The following ESRRB variants were observed in gnomAD, a reference collection of about 807,000 sequenced individuals.
The protein encoded by ESRRB is steroid hormone receptor ERR2.
A neutral mutation model predicts 46.0 loss-of-function variants in ESRRB; 16 were observed. The observed-to-expected ratio is 0.35, with a 90% CI of 0.24 to 0.53. The LOEUF (loss-of-function observed/expected upper bound fraction) is 0.53. Ranked by LOEUF, ESRRB falls within the 20% of genes least tolerant of loss-of-function variation. The pLI, the probability that ESRRB is intolerant of heterozygous loss-of-function variation, is 0.93. For missense variants in ESRRB, 488 were observed against 607.4 expected (o/e 0.80, Z 2.07); for synonymous variants, 246 against 259.6 (o/e 0.95, Z 0.50).
At chr14:76,451,428 G>A (rs1466400861) in intron 2 of ESRRB, among the ~76,000 whole-genome samples, 3 of 152,276 alleles carry the variant, frequency 2.0e-5, no homozygotes, top group Admixed American at 1.3e-4. Flanking sequence ...GTGTAACTAA[G>A]TGCCTGGCAC....
At chr14:76,481,360 C>T (rs904061079) in intron 3 of ESRRB, among the ~76,000 whole-genome samples, 1 of 152,210 alleles carries the variant, frequency 6.6e-6, no homozygotes, top group Non-Finnish European at 1.5e-5. Flanking sequence ...TAAACTCTCA[C>T]TCCTGGAAGT....
rs142660217 is a variant in ESRRB, at chr14:76,336,649, G to A, written c.2+25733G>A. On this transcript the variant is annotated intron_variant, in intron 1 of 6. Coordinates refer to the ESRRB transcript ENST00000512784. ...CTGCACTTCTCCCCAGGATCCCCAGGGCAAAAGCAGGAGTGAGAGGAAGCC... is the reference window on the plus strand; with the variant it reads ...CTGCACTTCTCCCCAGGATCCCCAGAGCAAAAGCAGGAGTGAGAGGAAGCC... 2.0e-3 allele frequency among the ~76,000 whole-genome samples: 300 copies of A among 152,256 alleles called. 1 individual carries two copies. Among genetic ancestry groups the A allele is most frequent in the African/African-American group, 7.1e-3 (294 of 41,540 alleles).
chr14:76,483,145 T>C (rs75562478), intron 5 of ESRRB, among the ~76,000 whole-genome samples: 1 of 152,278 alleles, frequency 6.6e-6, no homozygotes, highest in African/African-American at 2.4e-5. Flanking sequence ...GACCCTCTCT[T>C]CCTATTGGAG....
chr14:76,379,097 T>C (rs1051452121), intron 1 of ESRRB, among the ~76,000 whole-genome samples: 1 of 152,222 alleles, frequency 6.6e-6, no homozygotes, highest in Admixed American at 6.5e-5. Flanking sequence ...CATTCTCACT[T>C]TCCCAGGTGA....
intron 1 of ESRRB, among the ~76,000 whole-genome samples, chr14:76,315,921 T>A (rs1324154392): frequency 6.6e-6 from 1 of 152,164 alleles, no homozygotes; most frequent in Non-Finnish European, 1.5e-5. Context: ...CTCTTTTCCC[T>A]CTGTAGAAAG....
chr14:76,363,717 A>G (rs138199285), intron 1 of ESRRB, among the ~76,000 whole-genome samples: 166 of 152,244 alleles, frequency 1.1e-3, no homozygotes, highest in African/African-American at 3.8e-3. Flanking sequence ...AATTGGTTGG[A>G]CCTACGCACA....
At position 76,499,690 on chromosome 14, in the gene ESRRB, C is replaced by T; in HGVS notation, c.*1232C>T. The T allele has an allele frequency of 1.4e-6, 1 of 691,480 alleles. No homozygotes were observed. The highest frequency in any genetic ancestry group is 2.6e-6 in the Non-Finnish European group (1 of 382,664). 42.8% of individuals were successfully genotyped at this position (691,480 alleles called of 1,614,324 possible). Reference sequence around the variant, plus strand: ...CTCTCTGGCAGGACCCCTGCAGTCCCCCTGGCTGTGCCAGGTAACCAACCG... The same window carrying T: ...CTCTCTGGCAGGACCCCTGCAGTCCTCCTGGCTGTGCCAGGTAACCAACCG... On this transcript the variant is annotated 3_prime_UTR_variant, in exon 7 of 7. Transcript: ENST00000644823.
chr14:76,427,574 T>C (rs1483948159), intron 1 of ESRRB, among the ~76,000 whole-genome samples: 2 of 152,174 alleles, frequency 1.3e-5, no homozygotes, highest in Non-Finnish European at 2.9e-5. Flanking sequence ...CATGGATGGA[T>C]GAATGACAGA....
intron 3 of ESRRB, among the ~76,000 whole-genome samples, chr14:76,479,536 G>A (rs1311894761): frequency 6.6e-6 from 1 of 152,190 alleles, no homozygotes; most frequent in Non-Finnish European, 1.5e-5. Flanking sequence ...TTTATTGGAA[G>A]CCTATCAGGA....
At chr14:76,372,629 C>A (rs1042838493), upstream of ESRRB, among the ~76,000 whole-genome samples, 3 of 152,058 alleles carry the variant, frequency 2.0e-5, no homozygotes, top group African/African-American at 7.2e-5. Flanking sequence ...GCAAGGAGTT[C>A]TAGACCAGCC....
At chr14:76,373,587 AG>A (rs551592925), upstream of ESRRB, among the ~76,000 whole-genome samples, 3 of 152,306 alleles carry the variant, frequency 2.0e-5, no homozygotes, top group South Asian at 6.2e-4. Flanking sequence ...GAATCACAGG[AG>A]GAGCCTGGGC....
rs780688931 is a variant in ESRRB, at chr14:76,491,478, G to A, written c.882G>A (p.Met294Ile). The A allele has an allele frequency of 1.2e-6, 2 of 1,607,398 alleles. No individual in the cohort carries two copies. The highest frequency in any genetic ancestry group is 1.7e-6 in the Non-Finnish European group (2 of 1,177,454). Residue 294 changes from methionine (M) to isoleucine (I), a missense_variant, in exon 6 of 7, where the codon ATG becomes ATA. Met to Ile is a conservative substitution (Grantham distance 10). Coordinates refer to ENST00000644823, the MANE Select transcript of ESRRB (RefSeq NM_001379180.1). ...CAAGCCTCTCCCTGGGGGACCAGAT[G>A]AGCCTGCTGCAGAGTGCCTGGATGG... is the stretch of plus-strand genomic sequence containing the variant. ...GFSSLSLGDQ[M>I]SLLQSAWMEI...
intron 2 of ESRRB, among the ~76,000 whole-genome samples, chr14:76,442,674 A>G (rs1263715480): frequency 1.3e-5 from 2 of 152,152 alleles, no homozygotes; most frequent in Non-Finnish European, 2.9e-5. Context: ...ATTATTATGA[A>G]AACAACGGAC....
intron 2 of ESRRB, among the ~76,000 whole-genome samples, chr14:76,457,942 T>C (rs1438814881): frequency 1.3e-5 from 2 of 152,166 alleles, no homozygotes; most frequent in Non-Finnish European, 2.9e-5. Context: ...CCCAAAGTGA[T>C]GGGATTAGAA....
chr14:76,387,143 G>C (rs76624589), intron 1 of ESRRB, among the ~76,000 whole-genome samples: 1 of 152,212 alleles, frequency 6.6e-6, no homozygotes. Context: ...TGGTGGATCA[G>C]GGAGGGTTAG....
intron 1 of ESRRB, among the ~76,000 whole-genome samples, chr14:76,380,690 T>C (rs1232616787): frequency 6.6e-6 from 1 of 152,086 alleles, no homozygotes; most frequent in East Asian, 1.9e-4. Flanking sequence ...GCCGCACAGC[T>C]CCCCTGGGAG....
At chr14:76,441,378 ATAAATTGGGGAGAATGGTGGGCC>A (rs1248490062) in intron 2 of ESRRB, among the ~76,000 whole-genome samples, 1 of 152,144 alleles carries the variant, frequency 6.6e-6, no homozygotes, top group Non-Finnish European at 1.5e-5. Flanking sequence ...ATTGGGGAGA[ATAAATTGGGGAGAATGGTGGGCC>A]TGCCCCCACA....
chr14:76,445,684 C>CTTT lies in ESRRB; in HGVS notation c.460+5950_460+5952dup, dbSNP rs940535821. On this transcript the variant is annotated intron_variant, in intron 2 of 6. Transcript: ENST00000644823. ...ACCGAGTCATTCCTTCTCCACCAAT[C>CTTT]TTTTTTTTTTTTTTTTTTGAGACAG... 9.8e-3 allele frequency among the ~76,000 whole-genome samples: 1,274 copies of CTTT among 130,646 alleles called. 14 individuals carry two copies. Among genetic ancestry groups the CTTT allele is most frequent in the Non-Finnish European group, 0.015 (907 of 61,276 alleles). The allele number at this position is 130,646 out of a possible 152,430, so 85.7% of individuals were successfully genotyped here.
chr14:76,359,977 C>T (rs960357648), intron 1 of ESRRB, among the ~76,000 whole-genome samples: 9 of 152,124 alleles, frequency 5.9e-5, no homozygotes, highest in African/African-American at 2.2e-4. Flanking sequence ...ATCAGGACTC[C>T]ACCTCTCCTT....
Sources: gnomAD v4.1 joint callset for allele counts (sites outside exome capture counted in the v4.1 genomes callset) on GRCh38, gnomAD v4.1.1 for gene constraint, MANE v1.5 for transcripts, NCBI Gene and HGNC (gene_info 2026-07-23, HGNC 2026-07-21) for gene names.